Variants in RBFOX1 observed in about 807,000 individuals in gnomAD.
RBFOX1 encodes the protein RNA binding fox-1 homolog 1.
RBFOX1 carries 8 observed loss-of-function variants against 57.7 expected under a neutral mutation model. That is an observed-to-expected ratio of 0.14 (90% confidence interval 0.08 to 0.25). RBFOX1 has a LOEUF of 0.25. Ranked by LOEUF, RBFOX1 falls within the 10% of genes least tolerant of loss-of-function variation. RBFOX1 has a pLI of 1.00. For synonymous variants in RBFOX1, 326 were observed against 222.4 expected (o/e 1.47, Z -4.15); for missense variants, 611 against 548.5 (o/e 1.11, Z -1.14).
chr16:6,598,972 CCT>C (rs2097811728), intron 2 of RBFOX1, among the ~76,000 whole-genome samples: 1 of 151,818 alleles, frequency 6.6e-6, no homozygotes, highest in African/African-American at 2.4e-5. Flanking sequence ...AAAACAAACT[CCT>C]CTGTTTCCCA....
intron 1 of RBFOX1, among the ~76,000 whole-genome samples, chr16:5,422,965 G>A (rs1370839954): frequency 1.6e-5 from 2 of 126,054 alleles, no homozygotes; most frequent in Non-Finnish European, 3.4e-5. Context: ...AGAGGAGGAG[G>A]AGGGAGAGGG....
At chr16:6,694,903 G>C (rs1044925309) in intron 3 of RBFOX1, among the ~76,000 whole-genome samples, 1 of 151,856 alleles carries the variant, frequency 6.6e-6, no homozygotes, top group African/African-American at 2.4e-5. Flanking sequence ...AGCATGCGTG[G>C]TAAACAGGAC....
chr16:6,957,525 G>A (rs1185306817), intron 3 of RBFOX1, among the ~76,000 whole-genome samples: 4 of 152,134 alleles, frequency 2.6e-5, no homozygotes, highest in African/African-American at 9.7e-5. Flanking sequence ...CGTGCTGGGG[G>A]GAGTGTAGCA....
intron 4 of RBFOX1, among the ~76,000 whole-genome samples, chr16:7,125,576 G>C (rs545039781): frequency 1.4e-4 from 22 of 152,234 alleles, no homozygotes; most frequent in South Asian, 6.2e-4. Flanking sequence ...ATGGTTCTAA[G>C]CATTTTACGG....
Position 7,156,414 on chromosome 16 carries a change from C to T in RBFOX1, c.27+104316C>T, listed in dbSNP as rs533099173. Among the ~76,000 whole-genome samples, 186 of 151,580 alleles carry T rather than the reference C, an allele frequency of 1.2e-3. 1 individual carries two copies. Among genetic ancestry groups the T allele is most frequent in the South Asian group, 1.7e-3 (8 of 4,792 alleles). Reference sequence around the variant, plus strand: ...ACACATACATGTACATATATGTGTGCGTATAGTTGTACATACACATGTAGA... The same window carrying T: ...ACACATACATGTACATATATGTGTGTGTATAGTTGTACATACACATGTAGA... On this transcript the variant is annotated intron_variant, in intron 4 of 15. Transcript: ENST00000550418.
At chr16:5,461,297 C>T (rs1033735670) in intron 1 of RBFOX1, among the ~76,000 whole-genome samples, 1 of 152,158 alleles carries the variant, frequency 6.6e-6, no homozygotes, top group East Asian at 1.9e-4. Context: ...ATTAGAGGCT[C>T]GATGATCTGC....
chr16:5,655,992 C>G (rs2049416717), intron 3 of RBFOX1, among the ~76,000 whole-genome samples: 2 of 152,206 alleles, frequency 1.3e-5, no homozygotes, highest in Non-Finnish European at 2.9e-5. Flanking sequence ...CAATGTCAGC[C>G]ACTTTCACAG....
intron 1 of RBFOX1, among the ~76,000 whole-genome samples, chr16:5,451,857 C>T (rs1315977643): frequency 6.6e-6 from 1 of 152,118 alleles, no homozygotes; most frequent in Non-Finnish European, 1.5e-5. Flanking sequence ...TTAGTCATGC[C>T]TACAACTCCC....
At chr16:6,882,519 A>T (rs1367973667) in intron 3 of RBFOX1, among the ~76,000 whole-genome samples, 1 of 152,060 alleles carries the variant, frequency 6.6e-6, no homozygotes. Context: ...ACCTGAACTT[A>T]GGAGGCAGGG....
chr16:6,759,544 G>C (rs1266457592), intron 3 of RBFOX1, among the ~76,000 whole-genome samples: 4 of 150,804 alleles, frequency 2.7e-5, no homozygotes, highest in Non-Finnish European at 2.9e-5. Flanking sequence ...TTGTCCATCT[G>C]ACAGTTGCTG....
intron 4 of RBFOX1, among the ~76,000 whole-genome samples, chr16:7,199,528 A>C (rs1024243006): frequency 2.0e-5 from 3 of 152,256 alleles, no homozygotes; most frequent in Non-Finnish European, 4.4e-5. Flanking sequence ...GTGTATACTC[A>C]TGTTCAGAGG....
chr16:5,432,939 C>G (rs1316720209), intron 1 of RBFOX1, among the ~76,000 whole-genome samples: 1 of 152,190 alleles, frequency 6.6e-6, no homozygotes, highest in Non-Finnish European at 1.5e-5. Flanking sequence ...GCCCACACCA[C>G]CACTCCTGGC....
At chr16:7,484,447 C>A (rs1001469559) in intron 4 of RBFOX1, among the ~76,000 whole-genome samples, 2 of 152,122 alleles carry the variant, frequency 1.3e-5, no homozygotes, top group Admixed American at 6.5e-5. Context: ...TGCTTTTCCA[C>A]TGGCATTGTA....
intron 2 of RBFOX1, among the ~76,000 whole-genome samples, chr16:6,367,757 A>G (rs191272643): frequency 6.6e-6 from 1 of 151,816 alleles, no homozygotes; most frequent in East Asian, 1.9e-4. Context: ...TTAAAAAAAA[A>G]AAAAAATAGG....
chr16:6,097,067 T>C lies in RBFOX1; in HGVS notation c.-127+77075T>C, dbSNP rs1338427710. On this transcript the variant is annotated intron_variant, in intron 1 of 15. Transcript: ENST00000550418. The surrounding 1 kb of genome is among the most constrained non-coding windows in gnomAD (Gnocchi z 5.0). ...TGAATCATGGGGGTGGTTTCCCCCA[T>C]ACTGTTGTCATGGTGGTGAGTAAGT... Among the ~76,000 whole-genome samples the C allele has an allele frequency of 6.6e-6, 1 of 152,162 alleles. No individual in the cohort carries two copies. The highest frequency in any genetic ancestry group is 1.5e-5 in the Non-Finnish European group (1 of 68,034).
chr16:7,591,783 TG>T (rs1567989501), intron 7 of RBFOX1, among the ~76,000 whole-genome samples: 2 of 152,234 alleles, frequency 1.3e-5, no homozygotes, highest in Non-Finnish European at 1.5e-5. Context: ...GTGCTTGTTT[TG>T]TTCTCCTTTT....
chr16:7,176,989 A>T (rs1201562973), intron 4 of RBFOX1, among the ~76,000 whole-genome samples: 1 of 152,220 alleles, frequency 6.6e-6, no homozygotes, highest in Non-Finnish European at 1.5e-5. Context: ...TCAATAGAAA[A>T]ATAAAAACTC....
At chr16:5,906,150 G>A (rs552697010) in intron 4 of RBFOX1, among the ~76,000 whole-genome samples, 1 of 152,262 alleles carries the variant, frequency 6.6e-6, no homozygotes, top group South Asian at 2.1e-4. Flanking sequence ...ATTGAGTCAT[G>A]CCTCCCCCAG....
At chr16:7,002,232 C>A (rs976492608) in intron 3 of RBFOX1, among the ~76,000 whole-genome samples, 2 of 152,116 alleles carry the variant, frequency 1.3e-5, no homozygotes, top group Non-Finnish European at 2.9e-5. Flanking sequence ...TCACTTGAGG[C>A]CCTGGATACA....
Sources: gnomAD v4.1 joint callset for allele counts (sites outside exome capture counted in the v4.1 genomes callset) on GRCh38, gnomAD v4.1.1 for gene constraint, Gnocchi (gnomAD v3.1) non-coding constraint, MANE v1.5 for transcripts, NCBI Gene and HGNC (gene_info 2026-07-23, HGNC 2026-07-21) for gene names.